PLD1: variants seen among roughly 807,000 people sequenced by gnomAD.
The protein encoded by PLD1 is phospholipase D1, also known as choline phosphatase 1.
In PLD1, 112 loss-of-function variants were observed where a neutral mutation model predicts 137.1. The ratio of observed to expected loss-of-function variants is 0.82; its 90% confidence interval spans 0.70 to 0.96. The LOEUF is 0.96. Ranked by LOEUF, PLD1 falls within the 40% of genes least tolerant of loss-of-function variation. The pLI, the probability that PLD1 is intolerant of heterozygous loss-of-function variation, is 0.00. For synonymous variants in PLD1, 431 were observed against 454.7 expected, an observed-to-expected ratio of 0.95 and a Z score of 0.66; for missense variants, 1,321 against 1,342.0, an observed-to-expected ratio of 0.98 and a Z score of 0.24.
rs1578275800 is a variant in PLD1 at position 171,687,664 on chromosome 3, G to A, written c.1540-80C>T. ...GTTCTTTAATTCAAGTAGAGCTGAA[G>A]TATAAAGTTTACAAATGATGGAGGT... On this transcript the variant is annotated intron_variant, in intron 14 of 26. Coordinates refer to ENST00000351298, the MANE Select transcript of PLD1 (RefSeq NM_002662.5). 38 of 881,544 alleles carry A rather than the reference G, an allele frequency of 4.3e-5. No individual in the cohort carries two copies. In the East Asian group the frequency reaches 8.3e-4, roughly 19 times the overall value. 54.6% of individuals were successfully genotyped at this position (881,544 alleles called of 1,614,324 possible).
chr3:171,777,216 C>T (rs1432639599), intron 1 of PLD1, among the ~76,000 whole-genome samples: 1 of 152,042 alleles, frequency 6.6e-6, no homozygotes, highest in East Asian at 1.9e-4. Flanking sequence ...TGTCACTTGC[C>T]TTGTAATCAG....
intron 13 of PLD1, among the ~76,000 whole-genome samples, chr3:171,689,223 G>C (rs1226931669): frequency 6.6e-6 from 1 of 151,508 alleles, no homozygotes; most frequent in East Asian, 1.9e-4. Context: ...TAAAAAAAAA[G>C]CTAAAAATAT....
chr3:171,702,350 T>C (rs1046267749), intron 11 of PLD1, among the ~76,000 whole-genome samples: 1 of 151,876 alleles, frequency 6.6e-6, no homozygotes, highest in Non-Finnish European at 1.5e-5. Context: ...TAGCCAGACA[T>C]GGTGGCTCAT....
chr3:171,697,439 GT>G (rs1264915311), intron 12 of PLD1, among the ~76,000 whole-genome samples: 1 of 151,580 alleles, frequency 6.6e-6, no homozygotes, highest in Non-Finnish European at 1.5e-5. Context: ...TAGAGACGGG[GT>G]CCGACACATT....
At chr3:171,799,197 G>C (rs916272647) in intron 1 of PLD1, among the ~76,000 whole-genome samples, 1 of 151,950 alleles carries the variant, frequency 6.6e-6, no homozygotes, top group African/African-American at 2.4e-5. Flanking sequence ...AAATTAGCCG[G>C]GGGTGGTGGT....
At chr3:171,679,682 C>T (rs1713755827) in intron 16 of PLD1, among the ~76,000 whole-genome samples, 1 of 152,312 alleles carries the variant, frequency 6.6e-6, no homozygotes, top group East Asian at 1.9e-4. Context: ...AATTCTTAGT[C>T]TCAGGAAATT....
intron 11 of PLD1, among the ~76,000 whole-genome samples, chr3:171,707,192 A>G (rs982762738): frequency 4.6e-5 from 7 of 152,196 alleles, no homozygotes; most frequent in Non-Finnish European, 8.8e-5. Context: ...GATCAGGAAA[A>G]ATAACTAGTG....
intron 23 of PLD1, among the ~76,000 whole-genome samples, chr3:171,632,246 A>C (rs1226002250): frequency 6.6e-6 from 1 of 152,178 alleles, no homozygotes; most frequent in Non-Finnish European, 1.5e-5. Context: ...CAAAAACATC[A>C]AGATCATGAA....
chr3:171,619,419 A>C (rs555473558), intron 24 of PLD1, among the ~76,000 whole-genome samples: 1 of 152,316 alleles, frequency 6.6e-6, no homozygotes, highest in African/African-American at 2.4e-5. Flanking sequence ...CAGTGGGAAG[A>C]GGCCTTTGGA....
At chr3:171,725,892 A>C in intron 7 of PLD1, 126 bp downstream of exon 7, 2 of 682,650 alleles carry the variant, frequency 2.9e-6, no homozygotes, top group Non-Finnish European at 5.3e-6. Flanking sequence ...AGTTGCTCTA[A>C]CTACTGGGGA....
At position 171,612,185 on chromosome 3, in the gene PLD1, C is replaced by T; in HGVS notation, c.2882+94G>A. On this transcript the variant is annotated intron_variant, in intron 25 of 26. Transcript: ENST00000351298. This position sits in a 1 kb window ranked among gnomAD's most constrained non-coding sequence, Gnocchi z 4.1. ...CACACTGTTTTAGATGAAGAAGAAC[C>T]TAGGATGACCCATGTGCTCAGGGCT... is the stretch of plus-strand genomic sequence containing the variant. 1 of 1,107,510 alleles carries T rather than the reference C, an allele frequency of 9.0e-7. No individual in the cohort carries two copies. The highest frequency in any genetic ancestry group is 1.5e-5 in the African/African-American group (1 of 65,236). 68.6% of individuals were successfully genotyped at this position (1,107,510 alleles called of 1,614,324 possible).
chr3:171,693,003 C>T lies in PLD1; in HGVS notation c.1228-561G>A, dbSNP rs144027924. 4.5e-3 allele frequency among the ~76,000 whole-genome samples: 692 copies of T among 152,234 alleles called. 2 individuals carry two copies. The highest frequency in any genetic ancestry group is 0.016 in the African/African-American group (663 of 41,546). ...AAGAATCAATAACTGATTAAAGATC[C>T]AAAACATTGAAAACTTTAGTATAAA... On this transcript the variant is annotated intron_variant, in intron 12 of 26. Coordinates refer to ENST00000351298, the MANE Select transcript of PLD1 (RefSeq NM_002662.5).
chr3:171,782,800 G>T (rs1325174414), intron 1 of PLD1, among the ~76,000 whole-genome samples: 1 of 152,172 alleles, frequency 6.6e-6, no homozygotes, highest in Non-Finnish European at 1.5e-5. Flanking sequence ...GAATTAAGAG[G>T]AGGTATTTGT....
At chr3:171,708,407 C>T (rs1209233294) in intron 11 of PLD1, among the ~76,000 whole-genome samples, 12 of 152,192 alleles carry the variant, frequency 7.9e-5, no homozygotes, top group African/African-American at 2.4e-4. Flanking sequence ...CACTGGCCCT[C>T]ATGACAGACA....
intron 23 of PLD1, among the ~76,000 whole-genome samples, chr3:171,628,033 A>C (rs2108320866): frequency 6.6e-6 from 1 of 151,908 alleles, no homozygotes; most frequent in Non-Finnish European, 1.5e-5. Flanking sequence ...AAGGAAATAG[A>C]GACACAAAAA....
chr3:171,685,723 T>C (rs1191814302), intron 16 of PLD1, among the ~76,000 whole-genome samples: 1 of 152,200 alleles, frequency 6.6e-6, no homozygotes, highest in Non-Finnish European at 1.5e-5. Flanking sequence ...TATTAGTCAT[T>C]CATTAATTCC....
chr3:171,647,470 A>C (rs1736344313), intron 21 of PLD1, among the ~76,000 whole-genome samples: 1 of 150,902 alleles, frequency 6.6e-6, no homozygotes. Flanking sequence ...TTATTTTGAG[A>C]TAGAGTTTCG....
At chr3:171,789,591 G>A (rs4243419) in intron 1 of PLD1, 124,896 of 152,222 alleles carry the variant, frequency 0.82, 51,495 homozygotes, top group Middle Eastern at 0.94. Context: ...TTGTGCTATT[G>A]AAAACTTGGA....
At chr3:171,775,427 A>G (rs1330730735) in intron 1 of PLD1, among the ~76,000 whole-genome samples, 1 of 152,160 alleles carries the variant, frequency 6.6e-6, no homozygotes, top group African/African-American at 2.4e-5. Context: ...TTGTAATCCT[A>G]TGCATTTTAA....
Sources: gnomAD v4.1 joint callset for allele counts (sites outside exome capture counted in the v4.1 genomes callset) on GRCh38, gnomAD v4.1.1 for gene constraint, Gnocchi (gnomAD v3.1) non-coding constraint, MANE v1.5 for transcripts, NCBI Gene and HGNC (gene_info 2026-07-23, HGNC 2026-07-21) for gene names.